Variants in ANKRD22 observed in about 807,000 individuals in gnomAD.
ANKRD22 encodes the protein ankyrin repeat domain 22.
ANKRD22 carries 24 observed loss-of-function variants against 25.7 expected under a neutral mutation model. The observed-to-expected ratio is 0.93, with a 90% confidence interval of 0.68 to 1.31. The LOEUF (loss-of-function observed/expected upper bound fraction) is 1.31. ANKRD22 is among the 50% of genes most tolerant of loss of function. The pLI is 0.00. For synonymous variants in ANKRD22, 84 were observed against 84.3 expected (o/e 1.00, Z 0.02); for missense variants, 214 against 227.1 (o/e 0.94, Z 0.37).
chr10:88,844,386 A>G (rs1173026908), intron 1 of ANKRD22, among the ~76,000 whole-genome samples: 2 of 152,146 alleles, frequency 1.3e-5, no homozygotes, highest in African/African-American at 4.8e-5. Context: ...ATCTACCTTC[A>G]GTTTAGAAAG....
rs778641894 is a variant in ANKRD22 at position 88,828,618 on chromosome 10, T to C, written c.262A>G (p.Ile88Val). 4.3e-6 allele frequency: 7 copies of C among 1,610,928 alleles called. No individual in the cohort carries two copies. In the South Asian group the frequency reaches 6.6e-5, roughly 15 times the overall value. The change falls in exon 3 of 6, where the codon ATT becomes GTT. Residue 88 changes from isoleucine to valine, a missense_variant. Ile to Val is a conservative substitution (Grantham distance 29, BLOSUM62 3). Transcript: ENST00000371930. ...HYAVKKKFTF[I>V]DYLLIILLMP... is the part of the protein sequence containing the mutation. ...AAGAGGATAATTAGTAGATAATCAA[T>C]GAAGGTAAATTTTTTCTTCACAGCA...
In ANKRD22 at chr10:88,822,350, A is replaced by T. The variant is rs1448671784; in HGVS notation, c.*591T>A. On this transcript the variant is annotated 3_prime_UTR_variant, in exon 6 of 6. Transcript: ENST00000371930. ...ACATACACAAATACCATTCTGTACAAACATACGTATTTAATAATTTGATTC... is the reference window on the plus strand; with the variant it reads ...ACATACACAAATACCATTCTGTACATACATACGTATTTAATAATTTGATTC... 1.3e-5 allele frequency: 2 copies of T among 152,092 alleles called. No individual in the cohort carries two copies. Among genetic ancestry groups the T allele is most frequent in the African/African-American group, 2.4e-5 (1 of 41,406 alleles). 9.4% of individuals were successfully genotyped at this position (152,092 alleles called of 1,614,324 possible). A position where few individuals can be genotyped will look rare whatever the true frequency, so the allele number is the denominator to read the frequency against.
chr10:88,823,700 T>C (rs953436377), intron 4 of ANKRD22, among the ~76,000 whole-genome samples: 29 of 151,588 alleles, frequency 1.9e-4, no homozygotes, highest in African/African-American at 5.8e-4. Context: ...CGGTGGCGGG[T>C]GCCTGTAGTC....
intron 1 of ANKRD22, among the ~76,000 whole-genome samples, chr10:88,833,117 G>A (rs1274377997): frequency 1.3e-5 from 2 of 152,150 alleles, no homozygotes; most frequent in Non-Finnish European, 2.9e-5. Context: ...ATCAGGAGAG[G>A]TTTGAGGCAG....
At chr10:88,826,005 AT>A in intron 4 of ANKRD22, 32 bp downstream of exon 4, 1 of 1,553,368 alleles carries the variant, frequency 6.4e-7, no homozygotes, top group Non-Finnish European at 8.8e-7. Context: ...CATTTTGAAT[AT>A]TTTTTCAAAA....
chr10:88,846,233 T>C (rs1410677934), intron 1 of ANKRD22, among the ~76,000 whole-genome samples: 1 of 152,142 alleles, frequency 6.6e-6, no homozygotes, highest in Non-Finnish European at 1.5e-5. Context: ...ACAGAGGTTA[T>C]GCCAGGTATG....
rs1844106506 is a variant in ANKRD22, at chr10:88,851,685, C to T, written c.-78G>A. The T allele has an allele frequency of 3.2e-6, 5 of 1,564,392 alleles. No individual in the cohort carries two copies. Among genetic ancestry groups the T allele is most frequent in the Non-Finnish European group, 4.4e-6 (5 of 1,136,850 alleles). On this transcript the variant is annotated 5_prime_UTR_variant, in exon 1 of 6. Coordinates refer to ENST00000371930, the MANE Select transcript of ANKRD22 (RefSeq NM_144590.3). ...GGTATTTCTGATGAATATCAAAATC[C>T]TTCCTGGCTGAGAGGAAAGTCCCTA... is the stretch of plus-strand genomic sequence containing the variant.
Position 88,828,603 on chromosome 10 carries a change from T to C in ANKRD22, c.277A>G (p.Ile93Val). The C allele has an allele frequency of 6.2e-7, 1 of 1,611,528 alleles. No homozygotes were observed. Among genetic ancestry groups the C allele is most frequent in the Non-Finnish European group, 8.5e-7 (1 of 1,178,502 alleles). Residue 93 changes from isoleucine to valine, a missense_variant, in exon 3 of 6, where the codon ATT (isoleucine) becomes GTT (valine). Ile to Val is a conservative substitution (Grantham distance 29). Coordinates refer to ENST00000371930, the MANE Select transcript of ANKRD22 (RefSeq NM_144590.3). The stretch of plus-strand genomic sequence containing the variant: ...AGCAGAACAGGCATTAAGAGGATAA[T>C]TAGTAGATAATCAATGAAGGTAAAT... Reference protein sequence around the residue: ...KKFTFIDYLLIILLMPVLLIG... With the variant: ...KKFTFIDYLLVILLMPVLLIG...
chr10:88,828,751 G>A, intron 2 of ANKRD22, 85 bp from the exon 3 acceptor site: 1 of 1,030,846 alleles, frequency 9.7e-7, no homozygotes, highest in Non-Finnish European at 1.4e-6. Context: ...AGTTTAGTTT[G>A]TGCTTTTTGT....
At position 88,820,653 on chromosome 10, in the gene ANKRD22, C is replaced by T. The variant is rs1339356165; in HGVS notation, c.*2288G>A. On this transcript the variant is annotated 3_prime_UTR_variant, in exon 6 of 6. Transcript: ENST00000371930. Reference sequence around the variant, plus strand: ...CGACACTTACATTTACATTTTTTTTCTGTAAATTAAAGTACTTATTAGGTA... The same window carrying T: ...CGACACTTACATTTACATTTTTTTTTTGTAAATTAAAGTACTTATTAGGTA... 2.7e-6 allele frequency: 2 copies of T among 735,710 alleles called. No homozygotes were observed. Among genetic ancestry groups the T allele is most frequent in the African/African-American group, 3.5e-5 (2 of 56,374 alleles). The allele number at this position is 735,710 out of a possible 1,614,324, so 45.6% of individuals were successfully genotyped here.
rs56194758 is a variant in ANKRD22 at position 88,823,827 on chromosome 10, C to CAAAAA, written c.400-454_400-450dup. ...TGGGCGACAGAGCGAGACTCCGTCT[C>CAAAAA]AAAAAAAAAAAAAAAAAAATTTCTT... On this transcript the variant is annotated intron_variant, in intron 4 of 5. Transcript: ENST00000371930. Among the ~76,000 whole-genome samples, 46 of 103,752 alleles carry CAAAAA rather than the reference C, an allele frequency of 4.4e-4. 6 individuals carry two copies. Among genetic ancestry groups the CAAAAA allele is most frequent in the African/African-American group, 1.5e-3 (35 of 23,270 alleles). 68.1% of individuals were successfully genotyped at this position (103,752 alleles called of 152,430 possible). A position where few individuals can be genotyped will look rare whatever the true frequency, so the allele number is the denominator to read the frequency against.
At position 88,821,204 on chromosome 10, in the gene ANKRD22, T is replaced by A. The variant is rs1843790071; in HGVS notation, c.*1737A>T. ...GCTTGTTGCTAGGAGACCTAATGAC[T>A]AAAAATTTCTGGCTCAATTTTCTGC... On this transcript the variant is annotated 3_prime_UTR_variant, in exon 6 of 6. Coordinates refer to ENST00000371930, the MANE Select transcript of ANKRD22 (RefSeq NM_144590.3). 6.6e-6 allele frequency among the ~76,000 whole-genome samples: 1 copy of A among 152,238 alleles called. No individual in the cohort carries two copies. The highest frequency in any genetic ancestry group is 6.5e-5 in the Admixed American group (1 of 15,280).
chr10:88,823,541 T>G lies in ANKRD22; in HGVS notation c.400-163A>C, dbSNP rs114721056. On this transcript the variant is annotated intron_variant, in intron 4 of 5. Transcript: ENST00000371930. ...ACAACTATTTCTAGTACTTAAAAAA[T>G]TTTTCGCCGGGCGCGGTGGCTCACG... 1,253 of 607,002 alleles carry G rather than the reference T, an allele frequency of 2.1e-3. 13 individuals carry two copies. The African/African-American group carries it at 0.022, about 10-fold the overall frequency. The allele number at this position is 607,002 out of a possible 1,614,324, so 37.6% of individuals were successfully genotyped here. A position where few individuals can be genotyped will look rare whatever the true frequency, so the allele number is the denominator to read the frequency against.
Position 88,820,494 on chromosome 10 carries a change from T to TA in ANKRD22, c.*2446dup, listed in dbSNP as rs752081337. Reference sequence around the variant, plus strand: ...CTTTCCCAGGGACGGTGTGAGGCCGTATTGTGAAGCATCTGACACTGACGA... The same window carrying TA: ...CTTTCCCAGGGACGGTGTGAGGCCGTAATTGTGAAGCATCTGACACTGACGA... On this transcript the variant is annotated 3_prime_UTR_variant, in exon 6 of 6. Coordinates refer to ENST00000371930, the MANE Select transcript of ANKRD22 (RefSeq NM_144590.3). The TA allele has an allele frequency of 5.2e-6, 8 of 1,550,072 alleles. No homozygotes were observed. In the African/African-American group the frequency reaches 1.1e-4, roughly 21 times the overall value.
At chr10:88,841,552 A>G (rs189322391) in intron 1 of ANKRD22, among the ~76,000 whole-genome samples, 1 of 152,114 alleles carries the variant, frequency 6.6e-6, no homozygotes, top group South Asian at 2.1e-4. Flanking sequence ...GCCTGCTCCA[A>G]TACACCAGCA....
At chr10:88,848,321 C>T (rs1844072700) in intron 1 of ANKRD22, among the ~76,000 whole-genome samples, 1 of 151,732 alleles carries the variant, frequency 6.6e-6, no homozygotes, top group Non-Finnish European at 1.5e-5. Context: ...TAAAGGTATA[C>T]ACATTTTCAA....
chr10:88,830,725 G>C (rs1490646619), intron 2 of ANKRD22, among the ~76,000 whole-genome samples: 2 of 152,166 alleles, frequency 1.3e-5, no homozygotes, highest in Non-Finnish European at 2.9e-5. Flanking sequence ...GGAGATAAAA[G>C]TGTCTCCTCA....
At chr10:88,842,944 AC>A (rs1213813638) in intron 1 of ANKRD22, among the ~76,000 whole-genome samples, 1 of 152,084 alleles carries the variant, frequency 6.6e-6, no homozygotes, top group Non-Finnish European at 1.5e-5. Context: ...AATAGTTTTT[AC>A]TCCATTTTGG....
At chr10:88,830,632 G>A (rs545077323) in intron 2 of ANKRD22, among the ~76,000 whole-genome samples, 1 of 152,314 alleles carries the variant, frequency 6.6e-6, no homozygotes, top group Non-Finnish European at 1.5e-5. Flanking sequence ...TTAATCTAAT[G>A]TATCCACTAA....
Sources: allele counts gnomAD v4.1 joint callset (sites outside exome capture counted in the v4.1 genomes callset), GRCh38; gene constraint gnomAD v4.1.1; transcripts MANE v1.5; gene names NCBI Gene and HGNC (gene_info 2026-07-23, HGNC 2026-07-21).